Variants in SPPL2A observed in about 807,000 individuals in gnomAD.
The protein encoded by SPPL2A is signal peptide peptidase like 2A.
Under a neutral mutation model 63.8 loss-of-function variants are expected in SPPL2A, and 51 were observed. The observed-to-expected ratio is 0.80, with a 90% CI of 0.64 to 1.01. The LOEUF is 1.01. Among genes scored for constraint, SPPL2A ranks in the 50% least tolerant of loss-of-function variants. The pLI, the probability that SPPL2A is intolerant of heterozygous loss-of-function variation, is 0.00. For missense variants in SPPL2A, 553 were observed against 622.7 expected (o/e 0.89, Z 1.19); for synonymous variants, 188 against 205.8 (o/e 0.91, Z 0.74).
At chr15:50,749,812 T>C in intron 1 of SPPL2A, 66 bp from the exon 2 acceptor site, 1 of 929,992 alleles carries the variant, frequency 1.1e-6, no homozygotes, top group South Asian at 1.3e-5. Flanking sequence ...AGGATTTTAA[T>C]AAAGCTATTT....
intron 1 of SPPL2A, among the ~76,000 whole-genome samples, chr15:50,760,299 C>T (rs537920008): frequency 4.6e-5 from 7 of 151,926 alleles, no homozygotes; most frequent in African/African-American, 1.7e-4. Context: ...CTTGCTCTGT[C>T]GCCCAGGCTG....
rs573685396 is a variant in SPPL2A at position 50,735,841 on chromosome 15, T to C, written c.932+260A>G. 3.9e-5 allele frequency among the ~76,000 whole-genome samples: 6 copies of C among 152,290 alleles called. No homozygotes were observed. In the South Asian group the frequency reaches 1.2e-3, roughly 32 times the overall value. On this transcript the variant is annotated intron_variant, in intron 8 of 14. Transcript: ENST00000261854. ...ATCCGCCTGCCTCGGCCTCCCAAAG[T>C]GCTGGGATTACAGGCGTGAAATTAA... is the stretch of plus-strand genomic sequence containing the variant.
intron 1 of SPPL2A, among the ~76,000 whole-genome samples, chr15:50,758,855 T>C (rs1596400769): frequency 6.6e-6 from 1 of 152,134 alleles, no homozygotes; most frequent in Non-Finnish European, 1.5e-5. Context: ...TTCCAGGTGA[T>C]TTTAAACAAC....
At position 50,760,387 on chromosome 15, in the gene SPPL2A, T is replaced by C. The variant is rs538674042; in HGVS notation, c.66+5081A>G. Among the ~76,000 whole-genome samples, 125 of 152,042 alleles carry C rather than the reference T, an allele frequency of 8.2e-4. 1 individual carries two copies. The East Asian group carries it at 0.012, about 14-fold the overall frequency. On this transcript the variant is annotated intron_variant, in intron 1 of 14. Transcript: ENST00000261854. ...GTGATTCTCCTGCCTCAGCCTCCCA[T>C]GTAGCTGGGGTTACAGGCACCCACC...
At chr15:50,742,070 A>G (rs1229999876) in intron 5 of SPPL2A, among the ~76,000 whole-genome samples, 1 of 152,184 alleles carries the variant, frequency 6.6e-6, no homozygotes, top group Non-Finnish European at 1.5e-5. Flanking sequence ...GCTTTATTGC[A>G]TGCCATCTAG....
intron 6 of SPPL2A, among the ~76,000 whole-genome samples, chr15:50,739,200 C>T (rs971075298): frequency 2.5e-5 from 3 of 119,530 alleles, no homozygotes; most frequent in African/African-American, 6.4e-5. Context: ...TTTTTTAAGA[C>T]GGAGTTTCGC....
intron 1 of SPPL2A, among the ~76,000 whole-genome samples, chr15:50,763,431 A>G (rs2063029152): frequency 6.6e-6 from 1 of 152,204 alleles, no homozygotes; most frequent in Admixed American, 6.5e-5. Context: ...ATTTAAACAG[A>G]TATTGTCAGT....
chr15:50,727,271 G>T (rs1596382570), intron 10 of SPPL2A, among the ~76,000 whole-genome samples: 1 of 152,200 alleles, frequency 6.6e-6, no homozygotes, highest in South Asian at 2.1e-4. Context: ...GGGGTGCACA[G>T]GAGAAACCAC....
intron 14 of SPPL2A, among the ~76,000 whole-genome samples, chr15:50,716,759 A>G (rs2062602178): frequency 1.3e-5 from 2 of 152,122 alleles, no homozygotes; most frequent in Admixed American, 6.6e-5. Flanking sequence ...CTAATAATAG[A>G]AATCTCTTGC....
intron 7 of SPPL2A, 92 bp downstream of exon 7, chr15:50,736,552 G>A (rs1477589400): frequency 2.9e-6 from 2 of 692,504 alleles, no homozygotes; most frequent in Non-Finnish European, 5.0e-6. Context: ...AATGTATATT[G>A]GACTATATAG....
intron 8 of SPPL2A, among the ~76,000 whole-genome samples, chr15:50,734,720 T>C (rs923975531): frequency 6.6e-6 from 1 of 152,218 alleles, no homozygotes; most frequent in Non-Finnish European, 1.5e-5. Context: ...CTTGAGGTGA[T>C]GGATACCACT....
At chr15:50,746,369 C>G (rs1293254266) in intron 5 of SPPL2A, among the ~76,000 whole-genome samples, 1 of 135,078 alleles carries the variant, frequency 7.4e-6, no homozygotes, top group African/African-American at 2.7e-5. Context: ...ACTGGAGAGG[C>G]GGAGTTTTCA....
chr15:50,759,409 T>C (rs1225167402), intron 1 of SPPL2A, among the ~76,000 whole-genome samples: 2 of 152,104 alleles, frequency 1.3e-5, no homozygotes, highest in African/African-American at 4.8e-5. Flanking sequence ...AGCAAGATTC[T>C]GTCTCTATTA....
At chr15:50,714,126 C>T (rs536948605) in intron 14 of SPPL2A, among the ~76,000 whole-genome samples, 10 of 152,288 alleles carry the variant, frequency 6.6e-5, no homozygotes, top group South Asian at 4.1e-4. Flanking sequence ...AATACAATTA[C>T]GATACTACAC....
At position 50,765,633 on chromosome 15, in the gene SPPL2A, G is replaced by A. The variant is rs1046925461; in HGVS notation, c.-100C>T. The A allele has an allele frequency of 2.5e-6, 2 of 809,360 alleles. No individual in the cohort carries two copies. The highest frequency in any genetic ancestry group is 3.4e-6 in the Non-Finnish European group (2 of 582,810). 50.1% of individuals were successfully genotyped at this position (809,360 alleles called of 1,614,324 possible). A position where few individuals can be genotyped will look rare whatever the true frequency, so the allele number is the denominator to read the frequency against. ...GCTGCGCTGCCTCCGTGGCCGGACC[G>A]GACCGGACAGGCGCGGGCGGCCGGG... On this transcript the variant is annotated 5_prime_UTR_variant, in exon 1 of 15. Coordinates refer to ENST00000261854, the MANE Select transcript of SPPL2A (RefSeq NM_032802.4).
chr15:50,738,681 T>A (rs560986873), intron 6 of SPPL2A, among the ~76,000 whole-genome samples: 1 of 152,286 alleles, frequency 6.6e-6, no homozygotes, highest in African/African-American at 2.4e-5. Context: ...CTAGTTCTTA[T>A]CAGGTACACT....
chr15:50,731,927 C>CAAAAAAAAAAAAAAAAA (rs60624824), intron 9 of SPPL2A, among the ~76,000 whole-genome samples: 4 of 64,214 alleles, frequency 6.2e-5, no homozygotes, highest in African/African-American at 1.4e-4. Context: ...GACTCCATCT[C>CAAAAAAAAAAAAAAAAA]AAAAAAAAAA....
intron 10 of SPPL2A, among the ~76,000 whole-genome samples, chr15:50,730,669 A>AT (rs1020593392): frequency 6.6e-6 from 1 of 152,084 alleles, no homozygotes; most frequent in East Asian, 1.9e-4. Flanking sequence ...ATGATATTTT[A>AT]TTTTTTTTAT....
intron 10 of SPPL2A, 61 bp downstream of exon 10, chr15:50,730,904 C>T: frequency 1.4e-6 from 1 of 719,168 alleles, no homozygotes; most frequent in Non-Finnish European, 2.5e-6. Flanking sequence ...AATCTAGGAG[C>T]AGATTTAAGA....
Sources: gnomAD v4.1 joint callset for allele counts (sites outside exome capture counted in the v4.1 genomes callset) on GRCh38, gnomAD v4.1.1 for gene constraint, MANE v1.5 for transcripts, NCBI Gene and HGNC (gene_info 2026-07-23, HGNC 2026-07-21) for gene names.